Variants in MYO18B observed in about 807,000 individuals in gnomAD.
MYO18B encodes the protein myosin XVIIIB, also known as unconventional myosin-XVIIIb.
In MYO18B, 204 loss-of-function variants were observed where a neutral mutation model predicts 273.0. That is an observed-to-expected ratio of 0.75 (90% CI 0.67 to 0.84). MYO18B has a LOEUF of 0.84. Among genes scored for constraint, MYO18B ranks in the 40% least tolerant of loss-of-function variants. MYO18B has a pLI of 0.00. For missense variants in MYO18B, 3,212 were observed against 3,287.6 expected, an observed-to-expected ratio of 0.98 and a Z score of 0.56; for synonymous variants, 1,330 against 1,305.7, an observed-to-expected ratio of 1.02 and a Z score of -0.40.
chr22:25,904,943 TA>T (rs10567781), intron 31 of MYO18B, among the ~76,000 whole-genome samples: 39,680 of 146,772 alleles, frequency 0.27, 5,203 homozygotes, highest in East Asian at 0.32. Flanking sequence ...ATGCCTGAGA[TA>T]AAAAAAAAAA....
At chr22:25,932,440 C>G (rs746974495) in intron 34 of MYO18B, among the ~76,000 whole-genome samples, 23 of 134,352 alleles carry the variant, frequency 1.7e-4, no homozygotes, top group South Asian at 8.9e-4. Flanking sequence ...CACAGTTTTG[C>G]TCTTGTCGCC....
At chr22:25,845,476 C>T (rs990388024) in intron 18 of MYO18B, among the ~76,000 whole-genome samples, 5 of 152,120 alleles carry the variant, frequency 3.3e-5, no homozygotes, top group African/African-American at 4.8e-5. Context: ...GAGATTGCAC[C>T]GCTGCACTCC....
At chr22:25,927,283 C>T (rs533178867) in intron 34 of MYO18B, among the ~76,000 whole-genome samples, 1 of 152,192 alleles carries the variant, frequency 6.6e-6, no homozygotes, top group African/African-American at 2.4e-5. Context: ...AGAAATATCG[C>T]TGAATTCTTT....
rs2213831 is a variant in MYO18B, at chr22:25,898,540, T to C, written c.4823+79T>C. The C allele has an allele frequency of 0.051, 75,817 of 1,489,732 alleles. 3,176 individuals carry two copies. Among genetic ancestry groups the C allele is most frequent in the Admixed American group, 0.22 (11,696 of 53,012 alleles). The allele number at this position is 1,489,732 out of a possible 1,614,324, so 92.3% of individuals were successfully genotyped here. A position where few individuals can be genotyped will look rare whatever the true frequency, so the allele number is the denominator to read the frequency against. ...CTGGCGTTTTCTGGGGTATCCAGGTTCTCCTAACTCCCTCACTTCAACTCC... is the reference window on the plus strand; with the variant it reads ...CTGGCGTTTTCTGGGGTATCCAGGTCCTCCTAACTCCCTCACTTCAACTCC... On this transcript the variant is annotated intron_variant, in intron 29 of 43. Transcript: ENST00000335473.
At chr22:26,000,969 TTA>T (rs1491252900) in intron 40 of MYO18B, among the ~76,000 whole-genome samples, 1 of 149,146 alleles carries the variant, frequency 6.7e-6, no homozygotes, top group African/African-American at 2.5e-5. Context: ...TCCATCTTTT[TTA>T]TTTGTCCTTG....
chr22:25,977,998 A>G (rs1364824491), intron 39 of MYO18B, among the ~76,000 whole-genome samples: 1 of 152,168 alleles, frequency 6.6e-6, no homozygotes, highest in South Asian at 2.1e-4. Context: ...ATGCTACCCA[A>G]GTTATGAATT....
intron 21 of MYO18B, among the ~76,000 whole-genome samples, chr22:25,862,054 G>A (rs2090753314): frequency 6.6e-6 from 1 of 152,022 alleles, no homozygotes; most frequent in Non-Finnish European, 1.5e-5. Context: ...TTCTTGTCAC[G>A]GTTCCCTAAA....
At chr22:25,885,431 T>C (rs7287832) in intron 25 of MYO18B, among the ~76,000 whole-genome samples, 4,485 of 152,108 alleles carry the variant, frequency 0.029, 208 homozygotes, top group African/African-American at 0.1. Flanking sequence ...TCATGAAGGA[T>C]AAGCAGGAGC....
the MYO18B span, among the ~76,000 whole-genome samples, chr22:26,045,987 A>G: frequency 6.6e-6 from 1 of 152,242 alleles, no homozygotes; most frequent in Admixed American, 6.5e-5. Flanking sequence ...CTCATTGGGG[A>G]AAAATGGAGG....
chr22:26,021,125 T>G (rs1163295739), intron 42 of MYO18B, among the ~76,000 whole-genome samples: 2 of 152,132 alleles, frequency 1.3e-5, no homozygotes, highest in African/African-American at 4.8e-5. Context: ...TGGCTTGGAA[T>G]AGACAGAGCT....
the MYO18B span, among the ~76,000 whole-genome samples, chr22:26,060,098 A>G: frequency 6.6e-6 from 1 of 152,230 alleles, no homozygotes; most frequent in Non-Finnish European, 1.5e-5. Flanking sequence ...GCATTCGTAC[A>G]TCCCCAGCGT....
intron 31 of MYO18B, among the ~76,000 whole-genome samples, chr22:25,907,822 G>A (rs2092075839): frequency 6.6e-6 from 1 of 152,054 alleles, no homozygotes; most frequent in African/African-American, 2.4e-5. Context: ...ATCACCTGAG[G>A]TCAGGAGTTT....
intron 42 of MYO18B, among the ~76,000 whole-genome samples, chr22:26,012,333 C>G (rs1934982754): frequency 6.6e-6 from 1 of 152,174 alleles, no homozygotes; most frequent in South Asian, 2.1e-4. Context: ...TTCAATAGTA[C>G]ATTTATTTAC....
downstream of MYO18B, among the ~76,000 whole-genome samples, chr22:26,034,241 C>A (rs1240691960): frequency 1.3e-5 from 2 of 152,170 alleles, no homozygotes; most frequent in Non-Finnish European, 2.9e-5. Context: ...GTGTGCTCAC[C>A]CTTAGCACCC....
At chr22:25,767,964 G>C (rs2086565602) in intron 3 of MYO18B, 151 bp from the exon 4 acceptor site, 2 of 741,016 alleles carry the variant, frequency 2.7e-6, no homozygotes, top group Non-Finnish European at 4.4e-6. Flanking sequence ...TGCTAGGCTT[G>C]GCCATGCCTG....
chr22:25,847,814 C>T lies in MYO18B; in HGVS notation c.3775+162C>T, dbSNP rs962460584. Among the ~76,000 whole-genome samples, 5 of 152,192 alleles carry T rather than the reference C, an allele frequency of 3.3e-5. No individual in the cohort carries two copies. The South Asian group carries it at 8.3e-4, about 25-fold the overall frequency. ...GTCTTCTGAGATGAGGCCACTGATG[C>T]TCAGAGAGGTGGAAGTACTTGCTCA... On this transcript the variant is annotated intron_variant, in intron 20 of 43. Coordinates refer to ENST00000335473, the MANE Select transcript of MYO18B (RefSeq NM_032608.7).
chr22:25,915,247 CA>C (rs1411440114), intron 33 of MYO18B, among the ~76,000 whole-genome samples: 1 of 152,116 alleles, frequency 6.6e-6, no homozygotes, highest in African/African-American at 2.4e-5. Flanking sequence ...TGCTTAGTGA[CA>C]GGGATACTTT....
At chr22:25,977,285 C>CTGTATTTGTATT (rs55633196) in intron 39 of MYO18B, among the ~76,000 whole-genome samples, 5,527 of 143,944 alleles carry the variant, frequency 0.038, 172 homozygotes, top group African/African-American at 0.075. Context: ...TTTCCAACTC[C>CTGTATTTGTATT]TGTATTTGTA....
At chr22:25,831,906 G>T (rs1233055068) in intron 15 of MYO18B, among the ~76,000 whole-genome samples, 1 of 152,056 alleles carries the variant, frequency 6.6e-6, no homozygotes. Context: ...CTACACAAAG[G>T]CTAAAAGGTG....
Sources: allele counts gnomAD v4.1 joint callset (sites outside exome capture counted in the v4.1 genomes callset), GRCh38; gene constraint gnomAD v4.1.1; transcripts MANE v1.5; gene names NCBI Gene and HGNC (gene_info 2026-07-23, HGNC 2026-07-21).